The following EMG1 variants were observed in gnomAD, a reference collection of about 807,000 sequenced individuals.
EMG1 encodes EMG1 N1-specific pseudouridine methyltransferase.
A neutral mutation model predicts 26.9 loss-of-function variants in EMG1; 24 were observed. The ratio of observed to expected loss-of-function variants is 0.89; its 90% CI spans 0.65 to 1.26. The LOEUF (loss-of-function observed/expected upper bound fraction) is 1.26, where lower values mean the gene tolerates loss of function less well. Among genes scored for constraint, EMG1 ranks in the 50% most tolerant of loss-of-function variants. EMG1 has a pLI of 0.00. For missense variants in EMG1, 299 were observed against 307.6 expected (o/e 0.97, Z 0.21); for synonymous variants, 140 against 112.6 (o/e 1.24, Z -1.54).
In EMG1 at chr12:6,987,111, C is replaced by CA. The variant is rs56951656; in HGVS notation, c.*155-661dup. The stretch of plus-strand genomic sequence containing the variant: ...TTGGGCAACGAGCAAGATTCTGTCT[C>CA]AAAAAAAAAAGAAAAAAAAGTTTTA... On this transcript the variant is annotated intron_variant and NMD_transcript_variant, in intron 6 of 7. Transcript: ENST00000261406. The surrounding 1 kb of genome is among the most constrained non-coding windows in gnomAD (Gnocchi z 4.1). Among the ~76,000 whole-genome samples, 30,487 of 144,972 alleles carry CA rather than the reference C, an allele frequency of 0.21. 5,508 individuals carry two copies. The highest frequency in any genetic ancestry group is 0.5 in the African/African-American group (19,960 of 40,122).
chr12:6,974,770 A>C (rs782498143), intron 3 of EMG1, 77 bp downstream of exon 3: 1 of 1,501,730 alleles, frequency 6.7e-7, no homozygotes, highest in South Asian at 1.1e-5. Flanking sequence ...GGAGAACTAA[A>C]TGTGGATTTT....
downstream of EMG1, chr12:6,982,647 G>C: frequency 6.5e-7 from 1 of 1,539,504 alleles, no homozygotes. Context: ...GTCAGCTGTA[G>C]CCTGAGCTGC....
intron 1 of EMG1, among the ~76,000 whole-genome samples, chr12:6,971,509 C>G (rs921209027): frequency 5.9e-5 from 9 of 152,204 alleles, no homozygotes; most frequent in Non-Finnish European, 8.8e-5. Context: ...CTCCTGACCT[C>G]AAGTGATCCG....
downstream of EMG1, among the ~76,000 whole-genome samples, chr12:6,989,982 G>C (rs1033467379): frequency 1.1e-4 from 16 of 151,896 alleles, no homozygotes; most frequent in African/African-American, 3.9e-4. Flanking sequence ...AGACCAGCCT[G>C]GGCAACATAG....
downstream of EMG1, among the ~76,000 whole-genome samples, chr12:6,983,992 T>TA (rs1165304430): frequency 6.6e-6 from 1 of 152,112 alleles, no homozygotes; most frequent in African/African-American, 2.4e-5. Flanking sequence ...AAAAACAAGA[T>TA]ACAAAGATTT....
chr12:6,981,684 T>A (rs782466053), downstream of EMG1: 3 of 1,480,068 alleles, frequency 2.0e-6, no homozygotes, highest in South Asian at 3.4e-5. Context: ...ACACTGAGGA[T>A]GTGGCCTGTA....
chr12:6,982,710 A>G (rs782671568), downstream of EMG1: 2 of 1,613,980 alleles, frequency 1.2e-6, no homozygotes, highest in Non-Finnish European at 1.7e-6. Context: ...GACGGCAGTG[A>G]TGGTGCGGCC....
chr12:6,975,608 T>C (rs891683841), intron 5 of EMG1, 88 bp from the exon 6 acceptor site: 2 of 1,031,850 alleles, frequency 1.9e-6, no homozygotes, highest in African/African-American at 3.1e-5. Flanking sequence ...GCTGAAATAC[T>C]AGCTCAGCCA....
downstream of EMG1, chr12:6,982,634 G>A (rs1946481959): frequency 1.8e-5 from 26 of 1,468,470 alleles, no homozygotes; most frequent in African/African-American, 8.4e-5. Flanking sequence ...CCCCTGAACC[G>A]CTGTCAGCTG....
At chr12:6,997,376 A>C (rs1946645653) in exon 8 of EMG1, 1 of 88,732 alleles carries the variant, frequency 1.1e-5, no homozygotes, top group African/African-American at 4.6e-5. Flanking sequence ...ACAACAGCAA[A>C]TTATGTGTGT....
At chr12:6,988,536 A>G (rs781785535), downstream of EMG1, among the ~76,000 whole-genome samples, 4 of 152,142 alleles carry the variant, frequency 2.6e-5, no homozygotes, top group Non-Finnish European at 5.9e-5. Context: ...TCTGAGCCTT[A>G]ATGCTTTTTT....
At position 6,977,537 on chromosome 12, in the gene EMG1, G is replaced by A. The variant is rs1789690324; in HGVS notation, c.*1728G>A. The A allele has an allele frequency of 3.7e-6, 6 of 1,614,126 alleles. No individual in the cohort carries two copies. Among genetic ancestry groups the A allele is most frequent in the African/African-American group, 2.7e-5 (2 of 75,026 alleles). ...ATGAGCCTGGCAGCCTGGGGAGGGA[G>A]GAGGAGCTCATCAGCATCTTGTCCC... is the stretch of plus-strand genomic sequence containing the variant. On this transcript the variant is annotated 3_prime_UTR_variant, in exon 6 of 6. Transcript: ENST00000599672. The surrounding 1 kb of genome is among the most constrained non-coding windows in gnomAD (Gnocchi z 4.5).
intron 1 of EMG1, among the ~76,000 whole-genome samples, chr12:6,971,376 C>T (rs1335277159): frequency 6.6e-6 from 1 of 150,952 alleles, no homozygotes; most frequent in African/African-American, 2.4e-5. Flanking sequence ...CGCCTTCAAA[C>T]AGTTCTCCTG....
At chr12:6,985,701 C>T (rs1319379164) in intron 6 of EMG1, among the ~76,000 whole-genome samples, 3 of 151,308 alleles carry the variant, frequency 2.0e-5, no homozygotes, top group Non-Finnish European at 1.5e-5. Flanking sequence ...GGCAACAGAG[C>T]GAGACTCTGT....
chr12:6,975,343 ATTG>A lies in EMG1; in HGVS notation c.589_591del (p.Val197del). On this transcript the variant is annotated inframe_deletion, in exon 5 of 6. Coordinates refer to ENST00000599672, the MANE Select transcript of EMG1 (RefSeq NM_006331.8). ...TGAGCTGGTGCCCAGCAGTGATCCTATTGTTTTTGTGGTAGGGGCCTTTGCCCA... is the reference window on the plus strand; with the variant it reads ...TGAGCTGGTGCCCAGCAGTGATCCTATTTTTGTGGTAGGGGCCTTTGCCCA... The A allele has an allele frequency of 6.2e-7, 1 of 1,606,354 alleles. No homozygotes were observed. The highest frequency in any genetic ancestry group is 1.3e-5 in the African/African-American group (1 of 74,946).
At chr12:6,981,146 G>A (rs780977571), downstream of EMG1, 13 of 1,613,174 alleles carry the variant, frequency 8.1e-6, no homozygotes, top group South Asian at 4.4e-5. Flanking sequence ...GGAACACCAC[G>A]TATGGCATAT....
chr12:6,981,467 G>A (rs1591546841), downstream of EMG1: 1 of 938,466 alleles, frequency 1.1e-6, no homozygotes, highest in East Asian at 2.4e-5. Flanking sequence ...TATCTGAAAG[G>A]GAGATTGCAC....
downstream of EMG1, chr12:6,981,731 A>AG (rs1325493919): frequency 7.5e-5 from 16 of 212,166 alleles, no homozygotes; most frequent in East Asian, 6.9e-4. Context: ...CGGGGGGCGG[A>AG]GGGGGGGTGC....
chr12:6,983,382 C>T (rs1946489986), downstream of EMG1: 1 of 1,291,778 alleles, frequency 7.7e-7, no homozygotes. Context: ...AAGTCTGTTC[C>T]TTCCAGGTTC....
Sources: allele counts gnomAD v4.1 joint callset (sites outside exome capture counted in the v4.1 genomes callset), GRCh38; gene constraint gnomAD v4.1.1; non-coding constraint Gnocchi (gnomAD v3.1); transcripts MANE v1.5; gene names NCBI Gene and HGNC (gene_info 2026-07-23, HGNC 2026-07-21).